Variants in IL1R1 observed in about 807,000 individuals in gnomAD.
IL1R1 encodes the protein interleukin 1 receptor type 1.
A neutral mutation model predicts 50.2 loss-of-function variants in IL1R1; 22 were observed. The ratio of observed to expected loss-of-function variants is 0.44; its 90% CI spans 0.31 to 0.63. The LOEUF (loss-of-function observed/expected upper bound fraction) is 0.63, where lower values mean the gene tolerates loss of function less well. Among genes scored for constraint, IL1R1 ranks in the 20% least tolerant of loss-of-function variants. The probability of loss-of-function intolerance (pLI) is 0.07; values close to 1 mark genes in which losing one functional copy is unlikely to be tolerated. For missense variants in IL1R1, 509 were observed against 676.2 expected (o/e 0.75, Z 2.74); for synonymous variants, 251 against 236.7 (o/e 1.06, Z -0.55).
chr2:102,087,301 TA>T (rs1484246782), intron 1 of IL1R1, among the ~76,000 whole-genome samples: 3 of 152,210 alleles, frequency 2.0e-5, no homozygotes, highest in Non-Finnish European at 4.4e-5. Context: ...GGCAATTTCT[TA>T]AAATAAGACA....
Position 102,124,799 on chromosome 2 carries a change from C to T in IL1R1, c.-84+19927C>T, listed in dbSNP as rs546388130. Among the ~76,000 whole-genome samples the T allele has an allele frequency of 6.1e-4, 93 of 152,032 alleles. 1 individual carries two copies. The highest frequency in any genetic ancestry group is 2.1e-3 in the African/African-American group (89 of 41,468). On this transcript the variant is annotated intron_variant, in intron 1 of 10. Transcript: ENST00000409329. The stretch of plus-strand genomic sequence containing the variant: ...GGTGTGGTGGCTGGCACTTGTAATC[C>T]CAGCTACTCGGGAAGCTGAGGCAGG...
intron 1 of IL1R1, among the ~76,000 whole-genome samples, chr2:102,112,426 T>G (rs925272105): frequency 6.6e-6 from 1 of 151,856 alleles, no homozygotes; most frequent in Non-Finnish European, 1.5e-5. Flanking sequence ...CAGGTTTCCA[T>G]GGACACAGGA....
chr2:102,120,683 C>T (rs1013660855), intron 1 of IL1R1, among the ~76,000 whole-genome samples: 2 of 152,174 alleles, frequency 1.3e-5, no homozygotes, highest in African/African-American at 4.8e-5. Context: ...TTTCCTGAAG[C>T]AGAAGCTTGT....
chr2:102,111,227 C>A (rs1245179308), intron 1 of IL1R1, among the ~76,000 whole-genome samples: 1 of 152,076 alleles, frequency 6.6e-6, no homozygotes. Context: ...TAAACTCTTA[C>A]CTTGTAGATG....
chr2:102,083,248 A>C (rs1679292273), intron 1 of IL1R1, among the ~76,000 whole-genome samples: 1 of 152,170 alleles, frequency 6.6e-6, no homozygotes, highest in Non-Finnish European at 1.5e-5. Context: ...ACTTTCTTTG[A>C]GTGGGTGTTT....
At position 102,112,311 on chromosome 2, in the gene IL1R1, C is replaced by CGTGTGTGTGT. The variant is rs146015817; in HGVS notation, c.-84+7457_-84+7466dup. Among the ~76,000 whole-genome samples the CGTGTGTGTGT allele has an allele frequency of 3.4e-5, 5 of 148,024 alleles. No individual in the cohort carries two copies. The East Asian group carries it at 8.1e-4, about 24-fold the overall frequency. On this transcript the variant is annotated intron_variant, in intron 1 of 10. Transcript: ENST00000409329. ...ATGGCCAGCACAGAGTGGGGATTAACGTGTGTGTGTGTGTGTGTGTGTGTG... is the reference window on the plus strand; with the variant it reads ...ATGGCCAGCACAGAGTGGGGATTAACGTGTGTGTGTGTGTGTGTGTGTGTGTGTGTGTGTG...
chr2:102,121,507 C>T (rs998501095), intron 1 of IL1R1, among the ~76,000 whole-genome samples: 3 of 152,294 alleles, frequency 2.0e-5, no homozygotes, highest in East Asian at 1.9e-4. Flanking sequence ...GAGCTCTTGC[C>T]TTCCTTCTTT....
chr2:102,109,710 G>T (rs1680635383), intron 1 of IL1R1, among the ~76,000 whole-genome samples: 1 of 152,146 alleles, frequency 6.6e-6, no homozygotes, highest in African/African-American at 2.4e-5. Flanking sequence ...ATCCTCCCTG[G>T]CAGGACCATC....
chr2:102,175,230 C>G (rs1485618789), intron 10 of IL1R1, among the ~76,000 whole-genome samples: 2 of 151,972 alleles, frequency 1.3e-5, no homozygotes, highest in Admixed American at 6.6e-5. Flanking sequence ...AAGGATGGCT[C>G]TATACTAAGA....
At chr2:102,074,202 A>G (rs934260667) in intron 1 of IL1R1, among the ~76,000 whole-genome samples, 4 of 152,206 alleles carry the variant, frequency 2.6e-5, no homozygotes, top group Admixed American at 6.5e-5. Context: ...CCCTACCCCC[A>G]GTCCAGAAAA....
chr2:102,077,355 G>A lies in IL1R1; in HGVS notation c.-84+6822G>A, dbSNP rs185091125. On this transcript the variant is annotated intron_variant, in intron 1 of 11. Coordinates refer to the IL1R1 transcript ENST00000409929. ...CAAAGTGCTGGGATTATAGGTGTGA[G>A]CCGTGGCACCCGGCCGAAGTTTACT... Among the ~76,000 whole-genome samples the A allele has an allele frequency of 3.7e-3, 565 of 152,324 alleles. 3 individuals are homozygous for A. The highest frequency in any genetic ancestry group is 6.8e-3 in the Middle Eastern group (2 of 294).
chr2:102,164,679 G>T lies in IL1R1; in HGVS notation c.62-95G>T, dbSNP rs949809680. ...GCTTTTATATGTAATGTGAATTGAT[G>T]TATTTAATAATCAATGTGTTTCTTC... On this transcript the variant is annotated intron_variant, in intron 3 of 11. Transcript: ENST00000410023. 5 of 744,792 alleles carry T rather than the reference G, an allele frequency of 6.7e-6. No individual in the cohort carries two copies. In the South Asian group the frequency reaches 7.1e-5, roughly 11 times the overall value. The allele number at this position is 744,792 out of a possible 1,614,324, so 46.1% of individuals were successfully genotyped here.
At chr2:102,146,897 T>A (rs1683179026) in intron 1 of IL1R1, among the ~76,000 whole-genome samples, 1 of 152,104 alleles carries the variant, frequency 6.6e-6, no homozygotes, top group Non-Finnish European at 1.5e-5. Context: ...TCCCCACAGG[T>A]TCCGAAATGC....
chr2:102,174,690 T>G lies in IL1R1; in HGVS notation c.1095T>G (p.Leu365=), dbSNP rs770854818. The part of the protein sequence containing the change: ...IYKIFKIDIV[L]WYRDSCYDFL... ...AAATCTTCAAGATTGACATTGTGCTTTGGTACAGGGATTCCTGCTATGATT... is the reference window on the plus strand; with the variant it reads ...AAATCTTCAAGATTGACATTGTGCTGTGGTACAGGGATTCCTGCTATGATT... Residue 365 remains leucine (L), a synonymous_variant, in exon 10 of 12, where the codon CTT becomes CTG. Transcript: ENST00000410023. 1 of 1,611,962 alleles carries G rather than the reference T, an allele frequency of 6.2e-7. No homozygotes were observed. The highest frequency in any genetic ancestry group is 8.5e-7 in the Non-Finnish European group (1 of 1,179,202).
At chr2:102,174,751 C>A (rs760220490) in intron 10 of IL1R1, 21 bp downstream of exon 10, 1 of 1,588,248 alleles carries the variant, frequency 6.3e-7, no homozygotes, top group South Asian at 1.1e-5. Context: ...GTATTCCATG[C>A]AGTATTTCTT....
upstream of IL1R1, among the ~76,000 whole-genome samples, chr2:102,139,620 G>GATCA (rs1682530743): frequency 6.6e-6 from 1 of 152,214 alleles, no homozygotes. Flanking sequence ...AATGGCTTGG[G>GATCA]CCATCCCCTT....
intron 1 of IL1R1, among the ~76,000 whole-genome samples, chr2:102,075,332 C>T (rs1678912288): frequency 6.6e-6 from 1 of 152,198 alleles, no homozygotes; most frequent in South Asian, 2.1e-4. Context: ...TGTTGTGACA[C>T]TGGCTCTGTG....
chr2:102,135,640 C>T (rs1394263573), intron 1 of IL1R1, among the ~76,000 whole-genome samples: 1 of 152,116 alleles, frequency 6.6e-6, no homozygotes, highest in African/African-American at 2.4e-5. Context: ...GATTCTTGCT[C>T]GAGTACGGAT....
At chr2:102,143,574 A>G (rs1682862084) in intron 1 of IL1R1, among the ~76,000 whole-genome samples, 1 of 152,162 alleles carries the variant, frequency 6.6e-6, no homozygotes, top group East Asian at 1.9e-4. Context: ...CCCTCCCTAC[A>G]GTCTTGTGAG....
Sources: allele counts gnomAD v4.1 joint callset (sites outside exome capture counted in the v4.1 genomes callset), GRCh38; gene constraint gnomAD v4.1.1; transcripts MANE v1.5; gene names NCBI Gene and HGNC (gene_info 2026-07-23, HGNC 2026-07-21).